The following DNAH11 variants were observed in gnomAD, a reference collection of about 807,000 sequenced individuals.
DNAH11 encodes the protein axonemal beta dynein heavy chain 11.
In DNAH11, 442 loss-of-function variants were observed where a neutral mutation model predicts 526.0. That is an observed-to-expected ratio of 0.84 (90% CI 0.78 to 0.91). The LOEUF is 0.91. DNAH11 is among the 40% of genes least tolerant of loss of function. The pLI is 0.00. For missense variants in DNAH11, 6,989 were observed against 5,448.7 expected, an observed-to-expected ratio of 1.28 and a Z score of -8.90; for synonymous variants, 2,461 against 1,935.9, an observed-to-expected ratio of 1.27 and a Z score of -7.12.
At position 21,868,054 on chromosome 7, in the gene DNAH11, C is replaced by G. The variant is rs72658815; in HGVS notation, c.11839+47C>G. ...TGGCCCGCCCCTTCTCCCTCCCTCCCTTTCACCCCCACCCCTGCCCTTCTT... is the reference window on the plus strand; with the variant it reads ...TGGCCCGCCCCTTCTCCCTCCCTCCGTTTCACCCCCACCCCTGCCCTTCTT... On this transcript the variant is annotated intron_variant, in intron 72 of 81. Coordinates refer to ENST00000409508, the MANE Select transcript of DNAH11 (RefSeq NM_001277115.2). 372 of 1,411,008 alleles carry G rather than the reference C, an allele frequency of 2.6e-4. 1 individual carries two copies. The African/African-American group carries it at 4.9e-3, about 19-fold the overall frequency. 87.4% of individuals were successfully genotyped at this position (1,411,008 alleles called of 1,614,324 possible). A position where few individuals can be genotyped will look rare whatever the true frequency, so the allele number is the denominator to read the frequency against.
chr7:21,548,774 A>G (rs931316764), intron 2 of DNAH11, among the ~76,000 whole-genome samples: 4 of 152,084 alleles, frequency 2.6e-5, no homozygotes, highest in Admixed American at 2.6e-4. Context: ...GGCTTATTGA[A>G]CTCTGCCCCC....
chr7:21,756,579 T>C (rs1408610294), intron 54 of DNAH11, among the ~76,000 whole-genome samples: 1 of 152,150 alleles, frequency 6.6e-6, no homozygotes, highest in Non-Finnish European at 1.5e-5. Flanking sequence ...AAATTGAATT[T>C]AGGGGATAAT....
rs561381811 is a variant in DNAH11, at chr7:21,591,369, C to T, written c.2459C>T (p.Thr820Met). 10 of 1,613,900 alleles carry T rather than the reference C, an allele frequency of 6.2e-6. No individual in the cohort carries two copies. The highest frequency in any genetic ancestry group is 2.7e-5 in the African/African-American group (2 of 75,014). The stretch of plus-strand genomic sequence containing the variant: ...TACATCGAGAGGGTGAGGGCAGCCA[C>T]GTCCGAGTTGGAGCACAGAGTTGAG... ...WGYIERVRAA[T>M]SELEHRVERT... The change falls in exon 14 of 82, where the codon ACG becomes ATG. Residue 820 changes from threonine (T) to methionine (M), a missense_variant. Physicochemically the swap from Thr to Met is moderately conservative, Grantham distance 81. Transcript: ENST00000409508.
At chr7:21,681,462 G>A (rs775493595) in intron 30 of DNAH11, 84 bp from the exon 31 acceptor site, 38 of 1,396,020 alleles carry the variant, frequency 2.7e-5, no homozygotes, top group Non-Finnish European at 3.5e-5. Context: ...AACTAAATCA[G>A]CCTTTACAAA....
chr7:21,660,802 C>T (rs1308554901), intron 30 of DNAH11, among the ~76,000 whole-genome samples: 2 of 151,876 alleles, frequency 1.3e-5, no homozygotes, highest in South Asian at 2.1e-4. Flanking sequence ...TCTATAGATA[C>T]ACATTTTAAA....
rs374924146 is a variant in DNAH11, at chr7:21,744,467, A to T, written c.8184A>T (p.Leu2728Phe). 36 of 1,613,706 alleles carry T rather than the reference A, an allele frequency of 2.2e-5. No individual in the cohort carries two copies. The highest frequency in any genetic ancestry group is 2.9e-5 in the Non-Finnish European group (34 of 1,179,774). The change falls in exon 50 of 82, where the codon TTA becomes TTT. Residue 2728 changes from leucine (L) to phenylalanine (F), a missense_variant. Physicochemically the swap from Leu to Phe is conservative, Grantham distance 22. Coordinates refer to ENST00000409508, the MANE Select transcript of DNAH11 (RefSeq NM_001277115.2). ...TTTTATTTGCTTCTCCTGAGTGTTT[A>T]AAAGGTCCACTTGATTTAATACATC... ...QGILFASPEC[L>F]KGPLDLIHLW... is the part of the protein sequence containing the mutation.
chr7:21,847,172 T>A (rs959234462), intron 66 of DNAH11, among the ~76,000 whole-genome samples: 1 of 152,200 alleles, frequency 6.6e-6, no homozygotes, highest in Admixed American at 6.5e-5. Flanking sequence ...ATTTTCTGGT[T>A]AAAATGTTAC....
intron 34 of DNAH11, among the ~76,000 whole-genome samples, chr7:21,689,761 T>C (rs916795097): frequency 2.0e-5 from 3 of 152,238 alleles, no homozygotes; most frequent in African/African-American, 7.2e-5. Flanking sequence ...GTGGTTTCTT[T>C]CTGTGTTTTC....
Position 21,854,475 on chromosome 7 carries a change from G to C in DNAH11, c.11202+20G>C, listed in dbSNP as rs764879640. On this transcript the variant is annotated intron_variant, in intron 68 of 81. Transcript: ENST00000409508. Reference sequence around the variant, plus strand: ...TTGAAGGTAATGCTGAATGAGCTAAGAAATATGGGAAACTTTAGGAGTTCA... The same window carrying C: ...TTGAAGGTAATGCTGAATGAGCTAACAAATATGGGAAACTTTAGGAGTTCA... 1 of 1,606,400 alleles carries C rather than the reference G, an allele frequency of 6.2e-7. No homozygotes were observed. The highest frequency in any genetic ancestry group is 1.3e-5 in the African/African-American group (1 of 74,456).
rs565283604 is a variant in DNAH11, at chr7:21,635,902, A to G, written c.4532A>G (p.Tyr1511Cys). 3 of 1,612,848 alleles carry G rather than the reference A, an allele frequency of 1.9e-6. No homozygotes were observed. Among genetic ancestry groups the G allele is most frequent in the South Asian group, 2.2e-5 (2 of 90,752 alleles). ...TTGCAGACTCTTCTTCAAAGCAAGT[A>G]TGTAGAATATTTCATTGAGCAAGTG... ...VQLQTLLQSK[Y>C]VEYFIEQVLS... Residue 1511 changes from tyrosine to cysteine, a missense_variant, in exon 26 of 82, where the codon TAT becomes TGT. Coordinates refer to ENST00000409508, the MANE Select transcript of DNAH11 (RefSeq NM_001277115.2).
chr7:21,744,693 G>T, intron 50 of DNAH11, 94 bp downstream of exon 50: 1 of 1,517,486 alleles, frequency 6.6e-7, no homozygotes, highest in South Asian at 1.2e-5. Flanking sequence ...AGTGCACAAG[G>T]GCTTACCTTT....
rs139433604 is a variant in DNAH11 at position 21,752,847 on chromosome 7, G to A, written c.8940+2483G>A. 4.6e-5 allele frequency among the ~76,000 whole-genome samples: 7 copies of A among 152,180 alleles called. No individual in the cohort carries two copies. The East Asian group carries it at 1.4e-3, about 29-fold the overall frequency. On this transcript the variant is annotated intron_variant, in intron 54 of 81. Coordinates refer to ENST00000409508, the MANE Select transcript of DNAH11 (RefSeq NM_001277115.2). ...TCTGCCTCAGCCTCCTGAGTAGCTG[G>A]GATTACGGGTGCCTGCCACCACACT...
chr7:21,784,868 G>C (rs1345775428), intron 58 of DNAH11, among the ~76,000 whole-genome samples: 1 of 152,146 alleles, frequency 6.6e-6, no homozygotes, highest in African/African-American at 2.4e-5. Context: ...TTCATATCAT[G>C]TGTTGCTTTA....
intron 73 of DNAH11, among the ~76,000 whole-genome samples, chr7:21,871,209 T>G (rs1328836092): frequency 6.6e-6 from 1 of 152,204 alleles, no homozygotes; most frequent in African/African-American, 2.4e-5. Context: ...GCAACTATCT[T>G]TATCTCACAT....
chr7:21,570,132 G>A lies in DNAH11; in HGVS notation c.1258G>A (p.Val420Met), dbSNP rs373862531. The change falls in exon 7 of 82, where the codon GTG becomes ATG. Residue 420 changes from valine to methionine, a missense_variant. Coordinates refer to ENST00000409508, the MANE Select transcript of DNAH11 (RefSeq NM_001277115.2). Reference sequence around the variant, plus strand: ...AGAAATAGAAGAGTCACTGGAAAAGGTGCAGGTGGCTGTTAACATCTTAAA... The same window carrying A: ...AGAAATAGAAGAGTCACTGGAAAAGATGCAGGTGGCTGTTAACATCTTAAA... ...RGEIEESLEK[V>M]QVAVNILKTF... 6.2e-7 allele frequency: 1 copy of A among 1,613,088 alleles called. No individual in the cohort carries two copies. The highest frequency in any genetic ancestry group is 1.3e-5 in the African/African-American group (1 of 74,884).
At position 21,559,672 on chromosome 7, in the gene DNAH11, C is replaced by A. The variant is rs1583480744; in HGVS notation, c.762C>A (p.Ile254=). ...ESVVIEWSHQ[I]QEIIERDSVQ... ...TGGTTATTGAATGGTCACATCAAAT[C>A]CAAGAAATTATAGAAAGAGATTCAG... The change falls in exon 4 of 82, where the codon ATC becomes ATA. Residue 254 remains isoleucine, a synonymous_variant. Coordinates refer to ENST00000409508, the MANE Select transcript of DNAH11 (RefSeq NM_001277115.2). 17 of 1,611,810 alleles carry A rather than the reference C, an allele frequency of 1.1e-5. No individual in the cohort carries two copies. The highest frequency in any genetic ancestry group is 1.4e-5 in the Non-Finnish European group (17 of 1,179,012).
chr7:21,696,565 T>G (rs1783861166), intron 35 of DNAH11, among the ~76,000 whole-genome samples: 2 of 152,254 alleles, frequency 1.3e-5, no homozygotes, highest in South Asian at 4.1e-4. Context: ...AGTATCCTAT[T>G]TGTGACCCAA....
chr7:21,785,124 C>A (rs756253733), intron 58 of DNAH11, among the ~76,000 whole-genome samples: 10 of 152,174 alleles, frequency 6.6e-5, no homozygotes, highest in Non-Finnish European at 1.3e-4. Flanking sequence ...TAAGAGCCTG[C>A]AGCTAATCTC....
chr7:21,822,532 G>A (rs1413715992), intron 65 of DNAH11, among the ~76,000 whole-genome samples: 1 of 152,160 alleles, frequency 6.6e-6, no homozygotes, highest in Non-Finnish European at 1.5e-5. Context: ...TTCACCCATT[G>A]TTGGACACTC....
Sources: gnomAD v4.1 joint callset for allele counts (sites outside exome capture counted in the v4.1 genomes callset) on GRCh38, gnomAD v4.1.1 for gene constraint, MANE v1.5 for transcripts, NCBI Gene and HGNC (gene_info 2026-07-23, HGNC 2026-07-21) for gene names.